GADL1: variants seen among roughly 807,000 people sequenced by gnomAD.
GADL1 encodes the protein GAD like acidic amino acid decarboxylase 1, also known as acidic amino acid decarboxylase GADL1.
In GADL1, 71 loss-of-function variants were observed where a neutral mutation model predicts 69.5. The ratio of observed to expected loss-of-function variants is 1.02; its 90% CI spans 0.84 to 1.25. The LOEUF (loss-of-function observed/expected upper bound fraction) is 1.25. Among genes scored for constraint, GADL1 ranks in the 50% most tolerant of loss-of-function variants. The pLI is 0.00. For synonymous variants in GADL1, 254 were observed against 214.4 expected (o/e 1.18, Z -1.62); for missense variants, 737 against 631.8 (o/e 1.17, Z -1.79).
intron 14 of GADL1, among the ~76,000 whole-genome samples, chr3:30,749,015 TG>T (rs1389263417): frequency 1.3e-5 from 2 of 152,192 alleles, no homozygotes; most frequent in Non-Finnish European, 2.9e-5. Context: ...TTCAATGTTG[TG>T]GTTCTTTTAC....
intron 11 of GADL1, among the ~76,000 whole-genome samples, chr3:30,823,401 C>T (rs143370090): frequency 1.4e-3 from 209 of 152,076 alleles, no homozygotes; most frequent in African/African-American, 4.7e-3. Context: ...AAAGAAATCC[C>T]TTTTCTTGTT....
chr3:30,757,160 C>T (rs1695994039), intron 14 of GADL1, among the ~76,000 whole-genome samples: 3 of 152,110 alleles, frequency 2.0e-5, no homozygotes, highest in Admixed American at 2.0e-4. Flanking sequence ...AACCGCTATA[C>T]CTCTGCTCCC....
intron 3 of GADL1, among the ~76,000 whole-genome samples, chr3:30,855,747 G>A (rs2125534447): frequency 1.3e-5 from 2 of 151,976 alleles, no homozygotes; most frequent in Middle Eastern, 6.8e-3. Context: ...GAGGCAGGAG[G>A]TCTATTTCTA....
chr3:30,743,324 C>T (rs1192993496), intron 14 of GADL1, among the ~76,000 whole-genome samples: 1 of 152,182 alleles, frequency 6.6e-6, no homozygotes, highest in Middle Eastern at 3.2e-3. Flanking sequence ...GATGATTTTA[C>T]TTTCCATTTT....
At chr3:30,786,065 A>C (rs1020069002) in intron 13 of GADL1, among the ~76,000 whole-genome samples, 3 of 152,232 alleles carry the variant, frequency 2.0e-5, no homozygotes, top group African/African-American at 7.2e-5. Context: ...CAGTACAATC[A>C]TGCAATTTAT....
At position 30,854,684 on chromosome 3, in the gene GADL1, T is replaced by C. The variant is rs1323933173; in HGVS notation, c.428+15A>G. The C allele has an allele frequency of 2.0e-6, 3 of 1,481,162 alleles. No homozygotes were observed. The highest frequency in any genetic ancestry group is 2.8e-5 in the African/African-American group (2 of 71,230). The allele number at this position is 1,481,162 out of a possible 1,614,324, so 91.8% of individuals were successfully genotyped here. On this transcript the variant is annotated intron_variant, in intron 4 of 14. Coordinates refer to ENST00000282538, the MANE Select transcript of GADL1 (RefSeq NM_207359.3). ...ATCCACGTTTGGTGTGAAATTTCTATAGCATGGCACTTACACACTTGGATT... is the reference window on the plus strand; with the variant it reads ...ATCCACGTTTGGTGTGAAATTTCTACAGCATGGCACTTACACACTTGGATT...
intron 1 of GADL1, among the ~76,000 whole-genome samples, chr3:30,894,109 A>T (rs961911115): frequency 2.0e-4 from 30 of 152,318 alleles, no homozygotes; most frequent in African/African-American, 7.0e-4. Flanking sequence ...GCAGCTCTGA[A>T]CCAAAGAACA....
intron 14 of GADL1, among the ~76,000 whole-genome samples, chr3:30,762,429 A>G (rs949342008): frequency 2.6e-5 from 4 of 152,220 alleles, no homozygotes; most frequent in African/African-American, 9.6e-5. Flanking sequence ...CATGTACTTC[A>G]ACAAACAACT....
intron 1 of GADL1, among the ~76,000 whole-genome samples, chr3:30,872,993 GT>G (rs146463604): frequency 6.6e-6 from 1 of 151,492 alleles, no homozygotes; most frequent in Admixed American, 6.6e-5. Context: ...TAAATATGCT[GT>G]TTTTTTTCTA....
chr3:30,755,236 TACTG>T (rs965516002), intron 14 of GADL1, among the ~76,000 whole-genome samples: 21 of 152,336 alleles, frequency 1.4e-4, no homozygotes, highest in East Asian at 7.7e-4. Flanking sequence ...AGGAGATAAT[TACTG>T]ACTAAAATAT....
intron 1 of GADL1, among the ~76,000 whole-genome samples, chr3:30,873,473 A>G (rs1234633516): frequency 1.3e-5 from 2 of 151,890 alleles, no homozygotes; most frequent in African/African-American, 4.8e-5. Flanking sequence ...AATAATTACC[A>G]TATTCTCCTT....
chr3:30,807,710 A>T (rs1697278726), intron 11 of GADL1, among the ~76,000 whole-genome samples: 1 of 152,124 alleles, frequency 6.6e-6, no homozygotes, highest in Non-Finnish European at 1.5e-5. Context: ...GGTGTGGGGG[A>T]TGGAAGAGAG....
At chr3:30,862,787 T>G (rs544220209) in intron 1 of GADL1, among the ~76,000 whole-genome samples, 35 of 152,110 alleles carry the variant, frequency 2.3e-4, no homozygotes, top group African/African-American at 8.2e-4. Context: ...ATGAATATGT[T>G]TCTCCAAATG....
chr3:30,862,656 G>A (rs552793770), intron 1 of GADL1, among the ~76,000 whole-genome samples: 3 of 152,130 alleles, frequency 2.0e-5, no homozygotes, highest in African/African-American at 7.2e-5. Context: ...GATCCATCTT[G>A]TATTGGATGT....
chr3:30,773,423 CA>C (rs1696463357), intron 14 of GADL1, among the ~76,000 whole-genome samples: 2 of 138,256 alleles, frequency 1.4e-5, no homozygotes, highest in Non-Finnish European at 3.0e-5. Flanking sequence ...TTTTCACAAA[CA>C]TACATTATAG....
At position 30,850,818 on chromosome 3, in the gene GADL1, T is replaced by C; in HGVS notation, c.535+17A>G. 7.1e-7 allele frequency: 1 copy of C among 1,409,848 alleles called. No homozygotes were observed. The highest frequency in any genetic ancestry group is 2.0e-5 in the Admixed American group (1 of 50,436). The allele number at this position is 1,409,848 out of a possible 1,614,324, so 87.3% of individuals were successfully genotyped here. A position where few individuals can be genotyped will look rare whatever the true frequency, so the allele number is the denominator to read the frequency against. On this transcript the variant is annotated intron_variant, in intron 5 of 14. Coordinates refer to ENST00000282538, the MANE Select transcript of GADL1 (RefSeq NM_207359.3). ...GGTTGTATTGGAAGGTTGATATCAA[T>C]AACTAATTGTACTCACCTGGGTTAA...
At chr3:30,752,856 C>A (rs6799638) in intron 14 of GADL1, among the ~76,000 whole-genome samples, 4 of 96,950 alleles carry the variant, frequency 4.1e-5, no homozygotes, top group South Asian at 3.3e-4. Context: ...TAATTAAGTT[C>A]TCAAATAACT....
chr3:30,794,919 A>C (rs1454973208), intron 12 of GADL1, among the ~76,000 whole-genome samples: 3 of 152,188 alleles, frequency 2.0e-5, no homozygotes, highest in Non-Finnish European at 4.4e-5. Context: ...ATTTCTATGG[A>C]ATCAGTGTAA....
intron 1 of GADL1, among the ~76,000 whole-genome samples, chr3:30,888,349 G>A (rs916787957): frequency 3.3e-5 from 5 of 152,062 alleles, no homozygotes; most frequent in African/African-American, 1.2e-4. Flanking sequence ...TAATATTTGG[G>A]TGTTCTATGT....
Sources: gnomAD v4.1 joint callset for allele counts (sites outside exome capture counted in the v4.1 genomes callset) on GRCh38, gnomAD v4.1.1 for gene constraint, MANE v1.5 for transcripts, NCBI Gene and HGNC (gene_info 2026-07-23, HGNC 2026-07-21) for gene names.